SLC8A1: variants seen among roughly 807,000 people sequenced by gnomAD.
SLC8A1 encodes sodium/calcium exchanger 1.
In SLC8A1, 18 loss-of-function variants were observed where a neutral mutation model predicts 68.3. The ratio of observed to expected loss-of-function variants is 0.26; its 90% CI spans 0.18 to 0.39. The LOEUF (loss-of-function observed/expected upper bound fraction) is 0.39, where lower values mean the gene tolerates loss of function less well. Among genes scored for constraint, SLC8A1 ranks in the 10% least tolerant of loss-of-function variants. The probability of loss-of-function intolerance (pLI) is 1.00; values close to 1 mark genes in which losing one functional copy is unlikely to be tolerated. For synonymous variants in SLC8A1, 475 were observed against 415.5 expected (o/e 1.14, Z -1.74); for missense variants, 985 against 1,156.7 (o/e 0.85, Z 2.15).
intron 4 of SLC8A1, among the ~76,000 whole-genome samples, chr2:40,171,977 G>A (rs757749757): frequency 1.3e-5 from 2 of 152,168 alleles, no homozygotes; most frequent in East Asian, 3.9e-4. Flanking sequence ...TGGATCAGAC[G>A]ATTTTTTCAA....
chr2:40,179,566 C>T (rs1573643061), intron 2 of SLC8A1, among the ~76,000 whole-genome samples: 1 of 152,128 alleles, frequency 6.6e-6, no homozygotes, highest in Admixed American at 6.5e-5. Flanking sequence ...CCTGATTTGT[C>T]TTGAAAAAAT....
At chr2:40,275,893 G>A (rs1346054033) in intron 2 of SLC8A1, among the ~76,000 whole-genome samples, 1 of 152,130 alleles carries the variant, frequency 6.6e-6, no homozygotes, top group East Asian at 1.9e-4. Context: ...CTTGAGGGCT[G>A]ACTCTCCTGC....
rs369152146 is a variant in SLC8A1, at chr2:40,216,892, A to G, written c.1809-39037T>C. On this transcript the variant is annotated intron_variant, in intron 2 of 7. Coordinates refer to ENST00000406785, the Ensembl canonical transcript of SLC8A1. The stretch of plus-strand genomic sequence containing the variant: ...TGTTTACAATCTTTGTAGATTCTGG[A>G]TATTAGATCTTTGTCAGATGGATGG... Among the ~76,000 whole-genome samples, 227 of 152,036 alleles carry G rather than the reference A, an allele frequency of 1.5e-3. 1 individual carries two copies. Among genetic ancestry groups the G allele is most frequent in the African/African-American group, 5.3e-3 (221 of 41,438 alleles).
At chr2:40,257,969 G>A (rs1476744166) in intron 2 of SLC8A1, among the ~76,000 whole-genome samples, 2 of 152,178 alleles carry the variant, frequency 1.3e-5, no homozygotes, top group East Asian at 1.9e-4. Context: ...GGAGAATGGC[G>A]GGTGCCTGCT....
At chr2:40,331,399 GTCTGTATTCACTTCTATGACCCACTT>G (rs2076392491) in intron 2 of SLC8A1, among the ~76,000 whole-genome samples, 1 of 151,974 alleles carries the variant, frequency 6.6e-6, no homozygotes, top group South Asian at 2.1e-4. Context: ...TTTGGTACTT[GTCTGTATTCACTTCTATGACCCACTT>G]TAATGTATAT....
intron 2 of SLC8A1, among the ~76,000 whole-genome samples, chr2:40,326,022 C>G (rs1246523137): frequency 6.6e-6 from 1 of 152,064 alleles, no homozygotes; most frequent in African/African-American, 2.4e-5. Flanking sequence ...AGCAACTCAC[C>G]TGTCCTGAGC....
At chr2:40,450,079 C>G (rs891228745) in intron 1 of SLC8A1, among the ~76,000 whole-genome samples, 1 of 152,126 alleles carries the variant, frequency 6.6e-6, no homozygotes, top group Non-Finnish European at 1.5e-5. Flanking sequence ...GGTCCTCCCC[C>G]ACCTTCTCAC....
chr2:40,375,283 A>G (rs539846296), intron 2 of SLC8A1, among the ~76,000 whole-genome samples: 7 of 152,096 alleles, frequency 4.6e-5, no homozygotes, highest in Non-Finnish European at 1.0e-4. Flanking sequence ...TGATGAATTC[A>G]AGACAGAATT....
intron 2 of SLC8A1, among the ~76,000 whole-genome samples, chr2:40,388,640 T>C (rs6757630): frequency 0.036 from 5,539 of 152,280 alleles, 112 homozygotes; most frequent in African/African-American, 0.05. Context: ...TTGACAATTT[T>C]GTTGGAAATT....
intron 7 of SLC8A1, among the ~76,000 whole-genome samples, chr2:40,128,284 C>A (rs1432667356): frequency 6.6e-6 from 1 of 152,290 alleles, no homozygotes; most frequent in Non-Finnish European, 1.5e-5. Context: ...ATGCAGGGAC[C>A]AGACATGGCA....
intron 2 of SLC8A1, among the ~76,000 whole-genome samples, chr2:40,413,793 T>G (rs138819624): frequency 4.0e-4 from 61 of 152,316 alleles, no homozygotes; most frequent in Non-Finnish European, 6.3e-4. Flanking sequence ...TAAGGCAAAT[T>G]TTTATATTTA....
intron 2 of SLC8A1, among the ~76,000 whole-genome samples, chr2:40,321,627 A>C (rs1487607236): frequency 6.6e-6 from 1 of 152,122 alleles, no homozygotes; most frequent in Non-Finnish European, 1.5e-5. Context: ...ATCCTTCTTC[A>C]CATGGTGGCA....
At chr2:40,294,653 G>A (rs1321798530) in intron 2 of SLC8A1, among the ~76,000 whole-genome samples, 1 of 152,130 alleles carries the variant, frequency 6.6e-6, no homozygotes, top group Admixed American at 6.6e-5. Context: ...GATGCTTGAA[G>A]AGAACTTTCC....
chr2:40,225,645 A>G (rs1163609230), intron 2 of SLC8A1, among the ~76,000 whole-genome samples: 1 of 152,160 alleles, frequency 6.6e-6, no homozygotes, highest in East Asian at 1.9e-4. Context: ...AAGGAACTTA[A>G]TCTTAAAGCC....
intron 2 of SLC8A1, among the ~76,000 whole-genome samples, chr2:40,219,366 G>A (rs568277173): frequency 6.6e-6 from 1 of 152,348 alleles, no homozygotes; most frequent in South Asian, 2.1e-4. Flanking sequence ...TCAGCACATG[G>A]CAAAGTTTGC....
intron 7 of SLC8A1, among the ~76,000 whole-genome samples, chr2:40,138,609 T>A (rs1192538221): frequency 6.6e-6 from 1 of 152,202 alleles, no homozygotes; most frequent in African/African-American, 2.4e-5. Context: ...ACAACCCACA[T>A]TCCTGGGCCC....
At chr2:40,292,454 T>C (rs760921000) in intron 2 of SLC8A1, among the ~76,000 whole-genome samples, 13 of 152,180 alleles carry the variant, frequency 8.5e-5, no homozygotes, top group African/African-American at 1.7e-4. Flanking sequence ...TTTTGGGTTA[T>C]GCTGCTGTGG....
In SLC8A1 at chr2:40,379,199, G is replaced by C. The variant is rs117752248; in HGVS notation, c.1808+49274C>G. On this transcript the variant is annotated intron_variant, in intron 2 of 7. Transcript: ENST00000406785. ...AACATGAATTACTGGACCCTCTCTT[G>C]AGAATTTCTGATTCCGTTTTGAGGT... Among the ~76,000 whole-genome samples the C allele has an allele frequency of 3.0e-4, 45 of 152,216 alleles. 1 individual carries two copies. In the East Asian group the frequency reaches 8.7e-3, roughly 30 times the overall value.
At chr2:40,166,719 A>G (rs2046610068) in intron 4 of SLC8A1, among the ~76,000 whole-genome samples, 1 of 152,248 alleles carries the variant, frequency 6.6e-6, no homozygotes, top group Admixed American at 6.5e-5. Flanking sequence ...CAGCACTGAA[A>G]TTAATAATGT....
Sources: gnomAD v4.1 joint callset for allele counts (sites outside exome capture counted in the v4.1 genomes callset) on GRCh38, gnomAD v4.1.1 for gene constraint, MANE v1.5 for transcripts, NCBI Gene and HGNC (gene_info 2026-07-23, HGNC 2026-07-21) for gene names.